Variants in ACP7 observed in about 807,000 individuals in gnomAD.
ACP7 encodes the protein acid phosphatase type 7.
A neutral mutation model predicts 60.6 loss-of-function variants in ACP7; 58 were observed. That is an observed-to-expected ratio of 0.96 (90% CI 0.77 to 1.19). The LOEUF is 1.19. ACP7 is among the 50% of genes most tolerant of loss of function. ACP7 has a pLI of 0.00. For synonymous variants in ACP7, 237 were observed against 232.6 expected (o/e 1.02, Z -0.17); for missense variants, 574 against 596.2 (o/e 0.96, Z 0.39).
chr19:39,097,013 G>C (rs2073273524), intron 2 of ACP7, among the ~76,000 whole-genome samples: 2 of 152,140 alleles, frequency 1.3e-5, no homozygotes, highest in South Asian at 4.1e-4. Flanking sequence ...TGTTGGCCAG[G>C]ATGGTCTCGA....
At chr19:39,107,936 A>G in intron 12 of ACP7, among the ~76,000 whole-genome samples, 1 of 152,070 alleles carries the variant, frequency 6.6e-6, no homozygotes, top group South Asian at 2.1e-4. Flanking sequence ...CTGTAGTCCC[A>G]GCTACTTGGG....
chr19:39,109,610 C>T (rs2073447123), intron 12 of ACP7, among the ~76,000 whole-genome samples: 1 of 140,734 alleles, frequency 7.1e-6, no homozygotes, highest in Non-Finnish European at 1.5e-5. Context: ...GAGGCTGGGG[C>T]AGGAGAATGG....
chr19:39,086,468 A>C (rs915064965), intron 2 of ACP7, among the ~76,000 whole-genome samples: 1 of 151,946 alleles, frequency 6.6e-6, no homozygotes, highest in African/African-American at 2.4e-5. Context: ...CGGTCTCTAC[A>C]AAAAAATTAA....
Position 39,110,381 on chromosome 19 carries a change from C to G in ACP7, c.*263C>G. 2.0e-6 allele frequency: 1 copy of G among 505,872 alleles called. No homozygotes were observed. The highest frequency in any genetic ancestry group is 3.5e-6 in the Non-Finnish European group (1 of 283,266). 31.3% of individuals were successfully genotyped at this position (505,872 alleles called of 1,614,324 possible). On this transcript the variant is annotated 3_prime_UTR_variant, in exon 13 of 13. Coordinates refer to ENST00000331256, the MANE Select transcript of ACP7 (RefSeq NM_001004318.3). ...AGGTTTCTGCTGGCAGGGCCCCACCCTCCTGCATAGCTCTGATCGGGCGAG... is the reference window on the plus strand; with the variant it reads ...AGGTTTCTGCTGGCAGGGCCCCACCGTCCTGCATAGCTCTGATCGGGCGAG...
chr19:39,097,443 G>T (rs2073279664), intron 2 of ACP7, among the ~76,000 whole-genome samples: 1 of 151,496 alleles, frequency 6.6e-6, no homozygotes, highest in Non-Finnish European at 1.5e-5. Context: ...ATGTGCCTGT[G>T]GTCCCAGCTA....
chr19:39,097,169 T>G (rs1274475298), intron 2 of ACP7, among the ~76,000 whole-genome samples: 1 of 152,248 alleles, frequency 6.6e-6, no homozygotes, highest in East Asian at 1.9e-4. Flanking sequence ...AAACCCCTGA[T>G]AAACTCATCA....
At chr19:39,091,961 T>C (rs1280679514) in intron 2 of ACP7, among the ~76,000 whole-genome samples, 6 of 152,076 alleles carry the variant, frequency 3.9e-5, no homozygotes, top group Non-Finnish European at 8.8e-5. Context: ...CATACTGATA[T>C]CCCTGATTTC....
At chr19:39,085,850 T>C (rs896206845) in intron 2 of ACP7, among the ~76,000 whole-genome samples, 5 of 152,168 alleles carry the variant, frequency 3.3e-5, no homozygotes, top group Admixed American at 6.6e-5. Flanking sequence ...GAGTAAGAGC[T>C]TGGACTCTGG....
At chr19:39,101,099 C>T (rs200784967) in intron 8 of ACP7, 43 bp downstream of exon 8, 8 of 1,613,944 alleles carry the variant, frequency 5.0e-6, no homozygotes, top group Non-Finnish European at 6.8e-6. Flanking sequence ...TGCTGAAAGC[C>T]AGGTGGGCGT....
chr19:39,089,739 C>T (rs560630393), intron 2 of ACP7, among the ~76,000 whole-genome samples: 1 of 152,262 alleles, frequency 6.6e-6, no homozygotes, highest in African/African-American at 2.4e-5. Context: ...CAGTATCTCT[C>T]GTTTGGGATT....
Position 39,100,639 on chromosome 19 carries a change from A to G in ACP7, c.689A>G (p.Tyr230Cys). 1 of 1,613,970 alleles carries G rather than the reference A, an allele frequency of 6.2e-7. No homozygotes were observed. The highest frequency in any genetic ancestry group is 8.5e-7 in the Non-Finnish European group (1 of 1,179,926). ...CCGGGGGATAATGAGGGCCTGTGGT[A>G]CAGGTAATGTGGGGGTGCTGGGGGA... ...SMPGDNEGLW[Y>C]SWDLGPAHII... is the part of the protein sequence containing the mutation. The change falls in exon 6 of 13, where the codon TAC becomes TGC. Residue 230 changes from tyrosine to cysteine, a missense_variant. Tyr to Cys is a radical substitution (Grantham distance 194). Coordinates refer to ENST00000331256, the MANE Select transcript of ACP7 (RefSeq NM_001004318.3).
chr19:39,085,694 C>T (rs528602681), intron 2 of ACP7, among the ~76,000 whole-genome samples: 6 of 152,278 alleles, frequency 3.9e-5, no homozygotes, highest in East Asian at 3.9e-4. Flanking sequence ...CGTTCATGCA[C>T]GGTAGGCCTC....
intron 2 of ACP7, among the ~76,000 whole-genome samples, chr19:39,093,667 G>A (rs1395923699): frequency 2.0e-5 from 3 of 152,152 alleles, no homozygotes; most frequent in Non-Finnish European, 2.9e-5. Context: ...TGGGATTACA[G>A]GCTGAGCCAC....
chr19:39,093,990 G>A lies in ACP7; in HGVS notation c.122-4468G>A, dbSNP rs369457273. ...AATATGGGCATTTAGGTTGTTTCCCGTATTTTGCAATTACAAAGAGTACTG... is the reference window on the plus strand; with the variant it reads ...AATATGGGCATTTAGGTTGTTTCCCATATTTTGCAATTACAAAGAGTACTG... On this transcript the variant is annotated intron_variant, in intron 2 of 12. Transcript: ENST00000331256. Among the ~76,000 whole-genome samples the A allele has an allele frequency of 6.8e-4, 104 of 152,176 alleles. 1 individual carries two copies. Among genetic ancestry groups the A allele is most frequent in the African/African-American group, 2.3e-3 (96 of 41,510 alleles).
chr19:39,110,124 G>A lies in ACP7; in HGVS notation c.*6G>A. The A allele has an allele frequency of 6.2e-7, 1 of 1,611,892 alleles. No homozygotes were observed. The highest frequency in any genetic ancestry group is 8.5e-7 in the Non-Finnish European group (1 of 1,178,004). On this transcript the variant is annotated 3_prime_UTR_variant, in exon 13 of 13. Coordinates refer to ENST00000331256, the MANE Select transcript of ACP7 (RefSeq NM_001004318.3). ...GCCGGAGGATGTACCTCTAGGGATGGCGGCAGCTCTCCTCCAGAAGCCTAG... is the reference window on the plus strand; with the variant it reads ...GCCGGAGGATGTACCTCTAGGGATGACGGCAGCTCTCCTCCAGAAGCCTAG...
At chr19:39,100,502 C>T in intron 5 of ACP7, 78 bp from the exon 6 acceptor site, 1 of 1,601,844 alleles carries the variant, frequency 6.2e-7, no homozygotes, top group Non-Finnish European at 8.6e-7. Flanking sequence ...GACTCAGGGC[C>T]TGACAGTGGC....
At position 39,090,985 on chromosome 19, in the gene ACP7, G is replaced by T. The variant is rs147411326; in HGVS notation, c.121+5595G>T. Among the ~76,000 whole-genome samples, 228 of 152,004 alleles carry T rather than the reference G, an allele frequency of 1.5e-3. 1 individual carries two copies. Among genetic ancestry groups the T allele is most frequent in the African/African-American group, 5.1e-3 (213 of 41,444 alleles). On this transcript the variant is annotated intron_variant, in intron 2 of 12. Coordinates refer to ENST00000331256, the MANE Select transcript of ACP7 (RefSeq NM_001004318.3). ...AAAATCTGATGTTATGATTGTCCCA[G>T]ATTTGGTCTCTCAGAATTCCTTCAG...
At chr19:39,096,347 T>G (rs2073265952) in intron 2 of ACP7, among the ~76,000 whole-genome samples, 1 of 152,118 alleles carries the variant, frequency 6.6e-6, no homozygotes, top group African/African-American at 2.4e-5. Context: ...TCCAATAATC[T>G]CCAGGGCAGG....
chr19:39,089,349 T>C (rs1040905585), intron 2 of ACP7, among the ~76,000 whole-genome samples: 16 of 152,308 alleles, frequency 1.1e-4, no homozygotes, highest in African/African-American at 3.4e-4. Flanking sequence ...ATTACAGGTG[T>C]GAGCCACCAT....
Sources: allele counts gnomAD v4.1 joint callset (sites outside exome capture counted in the v4.1 genomes callset), GRCh38; gene constraint gnomAD v4.1.1; transcripts MANE v1.5; gene names NCBI Gene and HGNC (gene_info 2026-07-23, HGNC 2026-07-21).